Variants in ZNF398 observed in about 807,000 individuals in gnomAD.
The protein encoded by ZNF398 is zinc finger protein 398, also known as zinc finger DNA binding protein ZER6.
ZNF398 carries 18 observed loss-of-function variants against 41.9 expected under a neutral mutation model. That is an observed-to-expected ratio of 0.43 (90% CI 0.30 to 0.64). ZNF398 has a LOEUF of 0.64. Among genes scored for constraint, ZNF398 ranks in the 30% least tolerant of loss-of-function variants. The pLI is 0.14. For synonymous variants in ZNF398, 260 were observed against 308.8 expected (o/e 0.84, Z 1.66); for missense variants, 669 against 822.8 (o/e 0.81, Z 2.29).
At chr7:149,142,820 T>A (rs1826856475), upstream of ZNF398, among the ~76,000 whole-genome samples, 1 of 152,190 alleles carries the variant, frequency 6.6e-6, no homozygotes, top group East Asian at 1.9e-4. Flanking sequence ...TGAATCTGAC[T>A]TTGAGAAAAA....
intron 2 of ZNF398, among the ~76,000 whole-genome samples, chr7:149,130,174 C>A (rs561604321): frequency 1.1e-4 from 17 of 152,298 alleles, no homozygotes; most frequent in Non-Finnish European, 2.1e-4. Flanking sequence ...CGGCTCACTG[C>A]AACCTCCACC....
chr7:149,179,438 C>T lies in ZNF398; in HGVS notation c.1566C>T (p.Arg522=), dbSNP rs200646805. The stretch of plus-strand genomic sequence containing the variant: ...CTGACTGCAGTAAGAGCTTCATGCG[C>T]AAGGAGCACCTGCTGAACCACCGGC... ...PCTDCSKSFM[R]KEHLLNHRRL... is the part of the protein sequence containing the mutation. The change falls in exon 6 of 6, where the codon CGC becomes CGT. Residue 522 remains arginine (R), a synonymous_variant. Transcript: ENST00000475153. The surrounding 1 kb of genome is among the most constrained non-coding windows in gnomAD (Gnocchi z 6.1). The T allele has an allele frequency of 1.6e-5, 26 of 1,613,940 alleles. 1 individual carries two copies. In the Admixed American group the frequency reaches 3.5e-4, roughly 22 times the overall value.
chr7:149,126,515 G>A, exon 1 of ZNF398: 1 of 498,998 alleles, frequency 2.0e-6, no homozygotes, highest in Admixed American at 4.0e-5. Flanking sequence ...CGAGGGATGC[G>A]GTCGAAGACG....
chr7:149,135,835 T>C (rs541772231), intron 2 of ZNF398, among the ~76,000 whole-genome samples: 4 of 152,120 alleles, frequency 2.6e-5, no homozygotes, highest in African/African-American at 9.6e-5. Context: ...TGCGCGCCTG[T>C]AGTCCCAGCT....
intron 4 of ZNF398, 55 bp from the exon 5 acceptor site, chr7:149,176,413 C>T (rs1373811259): frequency 6.8e-6 from 8 of 1,170,976 alleles, no homozygotes; most frequent in Non-Finnish European, 1.0e-5. Context: ...ACTTGATTAT[C>T]TTACCTTCTT....
rs1288755102 is a variant in ZNF398, at chr7:149,181,289, C to A, written c.*1488C>A. 6.6e-6 allele frequency: 1 copy of A among 152,214 alleles called. No individual in the cohort carries two copies. Among genetic ancestry groups the A allele is most frequent in the Admixed American group, 6.5e-5 (1 of 15,276 alleles). 9.4% of individuals were successfully genotyped at this position (152,214 alleles called of 1,614,324 possible). A position where few individuals can be genotyped will look rare whatever the true frequency, so the allele number is the denominator to read the frequency against. On this transcript the variant is annotated 3_prime_UTR_variant, in exon 6 of 6. Transcript: ENST00000475153. ...ACAGCAAAGTCAAAGCAGATAAATT[C>A]TTGTTGAAACTTGACTAAAATTTAT...
At chr7:149,170,403 C>A (rs1173400316) in intron 4 of ZNF398, among the ~76,000 whole-genome samples, 1 of 152,014 alleles carries the variant, frequency 6.6e-6, no homozygotes, top group African/African-American at 2.4e-5. Context: ...TTTGTAAACA[C>A]ATGTAAAGAT....
At chr7:149,129,467 C>T (rs545590587) in intron 2 of ZNF398, among the ~76,000 whole-genome samples, 55 of 152,154 alleles carry the variant, frequency 3.6e-4, no homozygotes, top group Non-Finnish European at 2.9e-5. Context: ...GCAACCTCCA[C>T]CTCCCAGGTT....
chr7:149,164,061 G>T (rs887310144), intron 2 of ZNF398, among the ~76,000 whole-genome samples: 2 of 151,144 alleles, frequency 1.3e-5, no homozygotes, highest in Admixed American at 1.3e-4. Flanking sequence ...GCAGTGAGCC[G>T]AGATAGCGTC....
intron 5 of ZNF398, among the ~76,000 whole-genome samples, chr7:149,177,283 AAATG>A (rs1349030237): frequency 6.6e-6 from 1 of 152,144 alleles, no homozygotes; most frequent in Non-Finnish European, 1.5e-5. Flanking sequence ...CGACTTATAT[AAATG>A]AATGAGAAGT....
chr7:149,147,559 C>A lies in ZNF398; in HGVS notation c.-184C>A. The A allele has an allele frequency of 1.8e-6, 1 of 553,380 alleles. No homozygotes were observed. Among genetic ancestry groups the A allele is most frequent in the Non-Finnish European group, 2.6e-6 (1 of 385,524 alleles). The allele number at this position is 553,380 out of a possible 1,614,324, so 34.3% of individuals were successfully genotyped here. A position where few individuals can be genotyped will look rare whatever the true frequency, so the allele number is the denominator to read the frequency against. On this transcript the variant is annotated 5_prime_UTR_variant, in exon 1 of 6. Transcript: ENST00000475153. This position sits in a 1 kb window ranked among gnomAD's most constrained non-coding sequence, Gnocchi z 5.6. ...TCCGCCGCCTGCTGCACCGCGCCTC[C>A]GCCGCGTTCCTGCGCGTCCCGAGCC...
Position 149,180,408 on chromosome 7 carries a change from T to G in ZNF398, c.*607T>G, listed in dbSNP as rs1417192744. ...GCCTGCCTAGGTTTCTTAGATTAAT[T>G]ATTCACATAAATTTTGTTTAATATT... On this transcript the variant is annotated 3_prime_UTR_variant, in exon 6 of 6. Coordinates refer to ENST00000475153, the MANE Select transcript of ZNF398 (RefSeq NM_170686.3). 1 of 152,354 alleles carries G rather than the reference T, an allele frequency of 6.6e-6. No homozygotes were observed. The highest frequency in any genetic ancestry group is 1.9e-4 in the East Asian group (1 of 5,192). The allele number at this position is 152,354 out of a possible 1,614,324, so 9.4% of individuals were successfully genotyped here. A position where few individuals can be genotyped will look rare whatever the true frequency, so the allele number is the denominator to read the frequency against.
At chr7:149,136,851 A>C (rs1270628880) in intron 2 of ZNF398, among the ~76,000 whole-genome samples, 1 of 148,142 alleles carries the variant, frequency 6.8e-6, no homozygotes, top group Non-Finnish European at 1.5e-5. Context: ...TACAGGCGTG[A>C]GCCACCGCGC....
intron 1 of ZNF398, among the ~76,000 whole-genome samples, chr7:149,127,610 G>C (rs1176462423): frequency 6.7e-6 from 1 of 150,014 alleles, no homozygotes; most frequent in East Asian, 2.0e-4. Flanking sequence ...CCAGCTCCTA[G>C]GGAGGCTGAG....
intron 3 of ZNF398, 104 bp from the exon 4 acceptor site, chr7:149,166,713 C>A: frequency 1.4e-6 from 1 of 709,318 alleles, no homozygotes; most frequent in South Asian, 1.8e-5. Context: ...AAAAGAAATT[C>A]CCTGGCACTG....
At chr7:149,148,864 T>C (rs1348704557) in intron 1 of ZNF398, among the ~76,000 whole-genome samples, 1 of 32,706 alleles carries the variant, frequency 3.1e-5, no homozygotes, top group African/African-American at 8.1e-5. Flanking sequence ...TTTCTTTGTC[T>C]TTTTTTTTTT....
chr7:149,136,733 A>C (rs970488461), intron 2 of ZNF398, among the ~76,000 whole-genome samples: 5 of 151,758 alleles, frequency 3.3e-5, no homozygotes, highest in African/African-American at 1.2e-4. Context: ...ACACCCAGCT[A>C]ATTTTTTAAT....
chr7:149,130,515 G>A (rs773666596), intron 2 of ZNF398, among the ~76,000 whole-genome samples: 3 of 152,084 alleles, frequency 2.0e-5, no homozygotes, highest in Admixed American at 6.6e-5. Context: ...GCTGAGTCAC[G>A]GTAAATATGT....
Position 149,147,685 on chromosome 7 carries a change from G to GGTGGCA in ZNF398, c.-56_-51dup, listed in dbSNP as rs1223617362. 7.8e-7 allele frequency: 1 copy of GGTGGCA among 1,275,192 alleles called. No homozygotes were observed. The highest frequency in any genetic ancestry group is 4.2e-5 in the Admixed American group (1 of 23,642). 79.0% of individuals were successfully genotyped at this position (1,275,192 alleles called of 1,614,324 possible). A position where few individuals can be genotyped will look rare whatever the true frequency, so the allele number is the denominator to read the frequency against. Reference sequence around the variant, plus strand: ...GCCGGGCCTGCTTGGAGCCGGGCGCGGTGGCAGCGGCGGCAGCGGCGGCGA... The same window carrying GGTGGCA: ...GCCGGGCCTGCTTGGAGCCGGGCGCGGTGGCAGTGGCAGCGGCGGCAGCGGCGGCGA... On this transcript the variant is annotated 5_prime_UTR_variant, in exon 1 of 6. Transcript: ENST00000475153. The surrounding 1 kb of genome is among the most constrained non-coding windows in gnomAD (Gnocchi z 5.6).
Sources: gnomAD v4.1 joint callset for allele counts (sites outside exome capture counted in the v4.1 genomes callset) on GRCh38, gnomAD v4.1.1 for gene constraint, Gnocchi (gnomAD v3.1) non-coding constraint, MANE v1.5 for transcripts, NCBI Gene and HGNC (gene_info 2026-07-23, HGNC 2026-07-21) for gene names.